Variants in SERGEF observed in about 807,000 individuals in gnomAD.
The protein encoded by SERGEF is secretion-regulating guanine nucleotide exchange factor.
A neutral mutation model predicts 50.0 loss-of-function variants in SERGEF; 51 were observed. That is an observed-to-expected ratio of 1.02 (90% CI 0.81 to 1.29). The LOEUF is 1.29. Among genes scored for constraint, SERGEF ranks in the 50% most tolerant of loss-of-function variants. The pLI, the probability that SERGEF is intolerant of heterozygous loss-of-function variation, is 0.00. For synonymous variants in SERGEF, 205 were observed against 212.4 expected, an observed-to-expected ratio of 0.97 and a Z score of 0.30; for missense variants, 521 against 557.0, an observed-to-expected ratio of 0.94 and a Z score of 0.65.
chr11:17,931,770 T>C (rs765029911), intron 9 of SERGEF, among the ~76,000 whole-genome samples: 1 of 152,202 alleles, frequency 6.6e-6, no homozygotes, highest in Non-Finnish European at 1.5e-5. Flanking sequence ...AGACCTTAAG[T>C]ATCAACACCA....
chr11:17,803,425 G>T (rs546783547), intron 10 of SERGEF, among the ~76,000 whole-genome samples: 9 of 152,376 alleles, frequency 5.9e-5, no homozygotes, highest in African/African-American at 2.2e-4. Flanking sequence ...CAGTGGGTCA[G>T]AGAACTGGGA....
intron 10 of SERGEF, among the ~76,000 whole-genome samples, chr11:17,796,696 C>T (rs1018352701): frequency 1.3e-5 from 2 of 152,158 alleles, no homozygotes; most frequent in African/African-American, 4.8e-5. Flanking sequence ...AAAACATGGA[C>T]TAAAACAGGC....
At chr11:17,983,453 A>T (rs766306390) in intron 8 of SERGEF, among the ~76,000 whole-genome samples, 6 of 152,216 alleles carry the variant, frequency 3.9e-5, no homozygotes, top group Non-Finnish European at 8.8e-5. Flanking sequence ...CCAAAAGAGT[A>T]GTGGGAGCTA....
intron 10 of SERGEF, among the ~76,000 whole-genome samples, chr11:17,831,831 C>A (rs1850313623): frequency 6.6e-6 from 1 of 152,146 alleles, no homozygotes. Context: ...TCCCATCAGC[C>A]CCTTCTTCAT....
chr11:17,894,134 T>C (rs1010039392), intron 9 of SERGEF, among the ~76,000 whole-genome samples: 5 of 152,090 alleles, frequency 3.3e-5, no homozygotes, highest in Non-Finnish European at 7.4e-5. Flanking sequence ...CTAGCCTCTT[T>C]CCCCAGTAAA....
At chr11:17,933,868 T>G (rs1852400905) in intron 9 of SERGEF, among the ~76,000 whole-genome samples, 1 of 152,176 alleles carries the variant, frequency 6.6e-6, no homozygotes, top group East Asian at 1.9e-4. Context: ...TTCCACCAAA[T>G]GTTGCTGCAG....
chr11:17,788,368 C>G lies in SERGEF; in HGVS notation c.1094G>C (p.Gly365Ala), dbSNP rs2133815016. ...CCAGACGTTGGCTTCAGTGCCATCT[C>G]CGCACATGCCATGCTCATTCCAGCC... is the stretch of plus-strand genomic sequence containing the variant. ...SWGWNEHGMC[G>A]DGTEANVWAP... The change falls in exon 11 of 11, where the codon GGA (glycine) becomes GCA (alanine). Residue 365 changes from glycine (G) to alanine (A), a missense_variant. Coordinates refer to ENST00000265965, the MANE Select transcript of SERGEF (RefSeq NM_012139.4). The G allele has an allele frequency of 6.2e-7, 1 of 1,613,756 alleles. No individual in the cohort carries two copies. The highest frequency in any genetic ancestry group is 2.2e-5 in the East Asian group (1 of 44,862).
At chr11:18,011,733 C>T (rs1355231923) in intron 1 of SERGEF, among the ~76,000 whole-genome samples, 2 of 152,142 alleles carry the variant, frequency 1.3e-5, no homozygotes, top group African/African-American at 4.8e-5. Context: ...ATTTCTGTTT[C>T]CTCTGTCCAC....
rs2133908585 is a variant in SERGEF at position 17,888,927 on chromosome 11, C to G, written c.1012-10683G>C. Among the ~76,000 whole-genome samples the G allele has an allele frequency of 6.6e-6, 1 of 152,222 alleles. No individual in the cohort carries two copies. Among genetic ancestry groups the G allele is most frequent in the Non-Finnish European group, 1.5e-5 (1 of 68,004 alleles). On this transcript the variant is annotated intron_variant, in intron 9 of 10. Coordinates refer to ENST00000265965, the MANE Select transcript of SERGEF (RefSeq NM_012139.4). This position sits in a 1 kb window ranked among gnomAD's most constrained non-coding sequence, Gnocchi z 4.1. ...GACGTGTCAAAAGGAAACTAGCCAG[C>G]CTGAAACAGCTCCCACTAGCTAAAT...
intron 5 of SERGEF, among the ~76,000 whole-genome samples, 185 bp downstream of exon 5, chr11:18,000,312 G>C (rs1181984441): frequency 6.6e-6 from 1 of 152,054 alleles, no homozygotes; most frequent in Non-Finnish European, 1.5e-5. Context: ...AGCAGGGCAT[G>C]GTGGCATGCA....
intron 10 of SERGEF, among the ~76,000 whole-genome samples, chr11:17,870,411 T>C (rs1360232825): frequency 6.6e-6 from 1 of 152,180 alleles, no homozygotes. Flanking sequence ...CTTGAAAAGC[T>C]ATGGCTGGCT....
chr11:17,971,344 A>G (rs1048741350), intron 8 of SERGEF, among the ~76,000 whole-genome samples: 1 of 152,264 alleles, frequency 6.6e-6, no homozygotes, highest in Non-Finnish European at 1.5e-5. Flanking sequence ...CAGCTTTTCA[A>G]TGTAGACCAA....
chr11:17,854,876 TGTCAAGCATCA>T (rs1359133401), intron 10 of SERGEF: 1 of 152,258 alleles, frequency 6.6e-6, no homozygotes, highest in Admixed American at 6.5e-5. Flanking sequence ...TTACTGCTTC[TGTCAAGCATCA>T]GGCACTAAGC....
chr11:17,924,035 T>C (rs1202425985), intron 9 of SERGEF, among the ~76,000 whole-genome samples: 1 of 152,188 alleles, frequency 6.6e-6, no homozygotes, highest in Non-Finnish European at 1.5e-5. Flanking sequence ...AAGATGATAA[T>C]AATCTCTACA....
At chr11:17,998,400 G>T (rs1253115494) in intron 5 of SERGEF, among the ~76,000 whole-genome samples, 1 of 145,146 alleles carries the variant, frequency 6.9e-6, no homozygotes, top group Non-Finnish European at 1.5e-5. Flanking sequence ...CTGGACAACA[G>T]GGGGGGACCC....
At chr11:17,894,386 A>G (rs1040846680) in intron 9 of SERGEF, among the ~76,000 whole-genome samples, 3 of 152,220 alleles carry the variant, frequency 2.0e-5, no homozygotes, top group Non-Finnish European at 4.4e-5. Context: ...TTATAGATTA[A>G]CTGAGAAATA....
At chr11:17,853,083 C>T (rs544702763) in intron 10 of SERGEF, among the ~76,000 whole-genome samples, 1 of 152,166 alleles carries the variant, frequency 6.6e-6, no homozygotes, top group Non-Finnish European at 1.5e-5. Context: ...ATATATACTA[C>T]TACATAATTG....
At chr11:17,959,699 A>G (rs1852957596) in intron 8 of SERGEF, 63 bp from the exon 9 acceptor site, 3 of 1,394,440 alleles carry the variant, frequency 2.2e-6, no homozygotes, top group Middle Eastern at 1.9e-4. Flanking sequence ...TGGGTAGGCA[A>G]TGAATTACAA....
intron 10 of SERGEF, among the ~76,000 whole-genome samples, chr11:17,867,521 T>G (rs553480720): frequency 7.9e-5 from 12 of 152,306 alleles, no homozygotes; most frequent in African/African-American, 2.9e-4. Flanking sequence ...TGGCACTGAG[T>G]GTCTGTGGCT....
Sources: allele counts gnomAD v4.1 joint callset (sites outside exome capture counted in the v4.1 genomes callset), GRCh38; gene constraint gnomAD v4.1.1; non-coding constraint Gnocchi (gnomAD v3.1); transcripts MANE v1.5; gene names NCBI Gene and HGNC (gene_info 2026-07-23, HGNC 2026-07-21).